Variants in PSMD14 observed in about 807,000 individuals in gnomAD.
The protein encoded by PSMD14 is proteasome 26S subunit, non-ATPase 14.
A neutral mutation model predicts 41.2 loss-of-function variants in PSMD14; 7 were observed. The observed-to-expected ratio is 0.17, with a 90% CI of 0.10 to 0.32. PSMD14 has a LOEUF of 0.32. Among genes scored for constraint, PSMD14 ranks in the 10% least tolerant of loss-of-function variants. The probability of loss-of-function intolerance (pLI) is 1.00; values close to 1 mark genes in which losing one functional copy is unlikely to be tolerated. For synonymous variants in PSMD14, 114 were observed against 122.3 expected (o/e 0.93, Z 0.45); for missense variants, 139 against 375.6 (o/e 0.37, Z 5.21).
chr2:161,396,712 G>A (rs186511395), intron 10 of PSMD14, among the ~76,000 whole-genome samples: 66 of 152,270 alleles, frequency 4.3e-4, no homozygotes, highest in Admixed American at 2.2e-3. Flanking sequence ...TGCTTGGCTA[G>A]CATGCATAGA....
chr2:161,355,010 G>A (rs1192249415), intron 3 of PSMD14, among the ~76,000 whole-genome samples: 3 of 152,190 alleles, frequency 2.0e-5, no homozygotes, highest in Non-Finnish European at 4.4e-5. Context: ...GGCAGGAACC[G>A]AATTTGTTAA....
intron 7 of PSMD14, chr2:161,384,743 TAGG>T (rs1559051895): frequency 6.6e-6 from 1 of 151,848 alleles, no homozygotes; most frequent in African/African-American, 2.4e-5. Flanking sequence ...TATTGTATCA[TAGG>T]AGAATTTGAA....
Position 161,318,894 on chromosome 2 carries a change from G to A in PSMD14, c.48+21G>A, listed in dbSNP as rs1022028271. ...GCCAGGTTAGTATATAGTCTCTTGA[G>A]CATTTCCTTGTGTGTAAACTACAAG... On this transcript the variant is annotated intron_variant, in intron 3 of 11. Coordinates refer to ENST00000409682, the MANE Select transcript of PSMD14 (RefSeq NM_005805.6). 2.5e-6 allele frequency: 4 copies of A among 1,599,374 alleles called. No individual in the cohort carries two copies. In the African/African-American group the frequency reaches 4.0e-5, roughly 16 times the overall value.
chr2:161,370,612 A>C (rs1454494299), intron 6 of PSMD14, among the ~76,000 whole-genome samples: 1 of 152,138 alleles, frequency 6.6e-6, no homozygotes, highest in African/African-American at 2.4e-5. Flanking sequence ...CCTCAGACCA[A>C]ATCTCTCAAT....
intron 3 of PSMD14, among the ~76,000 whole-genome samples, chr2:161,331,240 C>T (rs1019088174): frequency 6.6e-6 from 1 of 151,452 alleles, no homozygotes; most frequent in African/African-American, 2.4e-5. Context: ...ACTGTATAGA[C>T]TAGATGATGT....
chr2:161,309,920 C>T (rs1452056012), intron 1 of PSMD14, among the ~76,000 whole-genome samples: 1 of 151,964 alleles, frequency 6.6e-6, no homozygotes, highest in Non-Finnish European at 1.5e-5. Context: ...CTTTGGGAGG[C>T]TGAGGTGGGC....
At chr2:161,317,247 G>A (rs1003595363) in intron 2 of PSMD14, among the ~76,000 whole-genome samples, 6 of 152,086 alleles carry the variant, frequency 3.9e-5, no homozygotes, top group African/African-American at 1.4e-4. Context: ...CTATTAGGAG[G>A]ATGAGTTAAG....
intron 10 of PSMD14, among the ~76,000 whole-genome samples, chr2:161,395,719 C>T (rs1256861644): frequency 2.0e-5 from 3 of 152,088 alleles, no homozygotes; most frequent in East Asian, 1.9e-4. Context: ...TGAAAACCTA[C>T]AATTTTAAAA....
chr2:161,363,120 T>A (rs933541639), intron 3 of PSMD14, among the ~76,000 whole-genome samples: 2 of 152,156 alleles, frequency 1.3e-5, no homozygotes, highest in African/African-American at 4.8e-5. Flanking sequence ...TATATTCTCA[T>A]AGGAGCACAA....
intron 10 of PSMD14, among the ~76,000 whole-genome samples, chr2:161,405,689 A>G (rs1453056986): frequency 6.6e-6 from 1 of 152,184 alleles, no homozygotes; most frequent in East Asian, 1.9e-4. Flanking sequence ...TATTTTTGAA[A>G]TCCACTAGCA....
intron 10 of PSMD14, among the ~76,000 whole-genome samples, chr2:161,407,142 C>G (rs920139918): frequency 6.6e-6 from 1 of 152,066 alleles, no homozygotes; most frequent in African/African-American, 2.4e-5. Flanking sequence ...TTCCATTCAT[C>G]TAAGTGCTTT....
At chr2:161,362,757 T>A (rs1439134000) in intron 3 of PSMD14, among the ~76,000 whole-genome samples, 2 of 152,240 alleles carry the variant, frequency 1.3e-5, no homozygotes, top group African/African-American at 4.8e-5. Flanking sequence ...GTTTGGTTTC[T>A]CTACTCGTAT....
At chr2:161,395,029 GGGGT>G in intron 9 of PSMD14, 45 bp from the exon 10 acceptor site, 1 of 1,472,108 alleles carries the variant, frequency 6.8e-7, no homozygotes, top group African/African-American at 1.4e-5. Context: ...GACAATGAAG[GGGGT>G]ATCCTCAAGG....
At position 161,400,888 on chromosome 2, in the gene PSMD14, G is replaced by A. The variant is rs1035691685; in HGVS notation, c.771+5685G>A. Among the ~76,000 whole-genome samples, 10 of 151,052 alleles carry A rather than the reference G, an allele frequency of 6.6e-5. No homozygotes were observed. The South Asian group carries it at 1.3e-3, about 19-fold the overall frequency. ...AAAAAAAACAAGGTATGTCACAAAC[G>A]CATAAAATATAGGAGACACTAGTCT... On this transcript the variant is annotated intron_variant, in intron 10 of 11. Coordinates refer to ENST00000409682, the MANE Select transcript of PSMD14 (RefSeq NM_005805.6).
intron 3 of PSMD14, among the ~76,000 whole-genome samples, chr2:161,352,104 C>A (rs774803199): frequency 2.6e-5 from 4 of 152,188 alleles, no homozygotes; most frequent in Non-Finnish European, 5.9e-5. Context: ...CTCAAGACCT[C>A]TGAAATTCCT....
At chr2:161,338,221 T>C (rs999123732) in intron 3 of PSMD14, among the ~76,000 whole-genome samples, 9 of 152,216 alleles carry the variant, frequency 5.9e-5, no homozygotes, top group Non-Finnish European at 1.0e-4. Context: ...CTTGGAACTA[T>C]ATTTAGAGCT....
At chr2:161,407,551 C>G (rs1160018625) in intron 10 of PSMD14, 17 of 152,120 alleles carry the variant, frequency 1.1e-4, no homozygotes, top group Admixed American at 1.1e-3. Flanking sequence ...CATCTTTGCT[C>G]ATTTTCAAGT....
intron 3 of PSMD14, among the ~76,000 whole-genome samples, chr2:161,351,086 A>G (rs1355157195): frequency 6.6e-6 from 1 of 152,252 alleles, no homozygotes; most frequent in African/African-American, 2.4e-5. Flanking sequence ...TTGTTTGAAT[A>G]TCCTTAATGA....
chr2:161,341,427 A>G, intron 3 of PSMD14: 1 of 443,058 alleles, frequency 2.3e-6, no homozygotes, highest in Non-Finnish European at 3.0e-6. Context: ...TATGTTCTGA[A>G]TAGAAGTTCT....
Sources: gnomAD v4.1 joint callset for allele counts (sites outside exome capture counted in the v4.1 genomes callset) on GRCh38, gnomAD v4.1.1 for gene constraint, MANE v1.5 for transcripts, NCBI Gene and HGNC (gene_info 2026-07-23, HGNC 2026-07-21) for gene names.